The following HNRNPR variants were observed in gnomAD, a reference collection of about 807,000 sequenced individuals.
The protein encoded by HNRNPR is heterogeneous nuclear ribonucleoprotein R.
Under a neutral mutation model 70.3 loss-of-function variants are expected in HNRNPR, and 4 were observed. The observed-to-expected ratio is 0.06, with a 90% CI of 0.03 to 0.13. The LOEUF is 0.13. Ranked by LOEUF, HNRNPR falls within the 10% of genes least tolerant of loss-of-function variation. The probability of loss-of-function intolerance (pLI) is 1.00; values close to 1 mark genes in which losing one functional copy is unlikely to be tolerated. For missense variants in HNRNPR, 423 were observed against 788.5 expected (o/e 0.54, Z 5.55); for synonymous variants, 241 against 267.6 (o/e 0.90, Z 0.97).
In HNRNPR at chr1:23,304,827, T is replaced by TA. The variant is rs1302618921; in HGVS notation, c.*5626dup. The TA allele has an allele frequency of 3.2e-4, 49 of 152,356 alleles. No individual in the cohort carries two copies. Among genetic ancestry groups the TA allele is most frequent in the African/African-American group, 1.1e-3 (46 of 41,584 alleles). The allele number at this position is 152,356 out of a possible 1,614,324, so 9.4% of individuals were successfully genotyped here. A position where few individuals can be genotyped will look rare whatever the true frequency, so the allele number is the denominator to read the frequency against. ...ATGGAAAAGGTCTTGCAAATGTCCC[T>TA]ATTTTGGTATTTCTTATGTTACTAT... On this transcript the variant is annotated 3_prime_UTR_variant, in exon 11 of 11. Transcript: ENST00000302271.
At chr1:23,329,985 C>T (rs1313773242) in intron 5 of HNRNPR, among the ~76,000 whole-genome samples, 1 of 152,154 alleles carries the variant, frequency 6.6e-6, no homozygotes, top group Non-Finnish European at 1.5e-5. Context: ...CTCCTATTTA[C>T]ATTTGCTATC....
rs200505770 is a variant in HNRNPR at position 23,338,481 on chromosome 1, C to T, written c.276+9G>A. ...ATTGTTCAAAGACATTTCTGAGTAA[C>T]GACCTTACCTGAACATGTGATAAGT... On this transcript the variant is annotated intron_variant, in intron 3 of 10. Coordinates refer to ENST00000302271, the MANE Select transcript of HNRNPR (RefSeq NM_005826.5). 83 of 1,133,602 alleles carry T rather than the reference C, an allele frequency of 7.3e-5. No individual in the cohort carries two copies. Among genetic ancestry groups the T allele is most frequent in the Non-Finnish European group, 9.5e-5 (76 of 798,954 alleles). The allele number at this position is 1,133,602 out of a possible 1,614,324, so 70.2% of individuals were successfully genotyped here.
Position 23,309,528 on chromosome 1 carries a change from T to C in HNRNPR, c.*926A>G, listed in dbSNP as rs1167019592. On this transcript the variant is annotated 3_prime_UTR_variant, in exon 11 of 11. Coordinates refer to ENST00000302271, the MANE Select transcript of HNRNPR (RefSeq NM_005826.5). Reference sequence around the variant, plus strand: ...CTCAAAAGTCTATGAACCTGTTTTTTTTTTTTTAATAAAAGATAAAATTTC... The same window carrying C: ...CTCAAAAGTCTATGAACCTGTTTTTCTTTTTTTAATAAAAGATAAAATTTC... The C allele has an allele frequency of 1.3e-5, 2 of 152,106 alleles. No individual in the cohort carries two copies. Among genetic ancestry groups the C allele is most frequent in the Non-Finnish European group, 2.9e-5 (2 of 67,968 alleles). 9.4% of individuals were successfully genotyped at this position (152,106 alleles called of 1,614,324 possible).
rs1301662700 is a variant in HNRNPR, at chr1:23,306,739, T to C, written c.*3715A>G. ...TTCAAATTAAATATTATTAAATTGCTGACCAATACATTGTATATGCAATAT... is the reference window on the plus strand; with the variant it reads ...TTCAAATTAAATATTATTAAATTGCCGACCAATACATTGTATATGCAATAT... On this transcript the variant is annotated 3_prime_UTR_variant, in exon 11 of 11. Coordinates refer to ENST00000302271, the MANE Select transcript of HNRNPR (RefSeq NM_005826.5). 6.6e-6 allele frequency: 1 copy of C among 152,228 alleles called. No individual in the cohort carries two copies. Among genetic ancestry groups the C allele is most frequent in the Non-Finnish European group, 1.5e-5 (1 of 68,034 alleles). 9.4% of individuals were successfully genotyped at this position (152,228 alleles called of 1,614,324 possible). A position where few individuals can be genotyped will look rare whatever the true frequency, so the allele number is the denominator to read the frequency against.
intron 4 of HNRNPR, among the ~76,000 whole-genome samples, chr1:23,335,749 A>G (rs899904599): frequency 3.3e-5 from 5 of 152,236 alleles, no homozygotes; most frequent in Admixed American, 3.3e-4. Context: ...GGTGAGTTGT[A>G]TAATTATTTC....
chr1:23,336,619 G>A (rs1446215594), intron 4 of HNRNPR, among the ~76,000 whole-genome samples: 3 of 138,708 alleles, frequency 2.2e-5, no homozygotes, highest in African/African-American at 8.0e-5. Context: ...ATGTGGTGGC[G>A]CACGCCTGTA....
chr1:23,310,304 T>C lies in HNRNPR; in HGVS notation c.*150A>G. On this transcript the variant is annotated 3_prime_UTR_variant, in exon 11 of 11. Transcript: ENST00000302271. This position sits in a 1 kb window ranked among gnomAD's most constrained non-coding sequence, Gnocchi z 6.0. ...AAGAGGAAAAATAAAAAGACTTGAG[T>C]ATATACACAATAGTGATTTCTTCAG... 1.4e-6 allele frequency: 1 copy of C among 702,172 alleles called. No homozygotes were observed. The highest frequency in any genetic ancestry group is 2.1e-5 in the South Asian group (1 of 47,106). 43.5% of individuals were successfully genotyped at this position (702,172 alleles called of 1,614,324 possible). A position where few individuals can be genotyped will look rare whatever the true frequency, so the allele number is the denominator to read the frequency against.
At chr1:23,326,393 A>G (rs1192338902) in intron 5 of HNRNPR, among the ~76,000 whole-genome samples, 1 of 152,170 alleles carries the variant, frequency 6.6e-6, no homozygotes, top group Non-Finnish European at 1.5e-5. Flanking sequence ...AAAAGCACAC[A>G]GCATCTATGT....
At chr1:23,313,728 C>T (rs1295921996) in intron 8 of HNRNPR, 26 bp from the exon 9 acceptor site, 3 of 1,591,678 alleles carry the variant, frequency 1.9e-6, no homozygotes, top group East Asian at 2.3e-5. Context: ...TAAACAAAAC[C>T]GTCATTGGCT....
intron 8 of HNRNPR, among the ~76,000 whole-genome samples, chr1:23,317,253 T>TG (rs1409407345): frequency 1.3e-5 from 2 of 152,092 alleles, no homozygotes; most frequent in South Asian, 2.1e-4. Flanking sequence ...GGTCAGGAGA[T>TG]GGACACCACC....
At chr1:23,327,189 C>G (rs1210325338) in intron 5 of HNRNPR, among the ~76,000 whole-genome samples, 2 of 152,170 alleles carry the variant, frequency 1.3e-5, no homozygotes, top group African/African-American at 4.8e-5. Context: ...TGAAGTTGCT[C>G]CACGTAAATG....
In HNRNPR at chr1:23,333,575, A is replaced by G; in HGVS notation, c.441T>C (p.Tyr147=). Residue 147 remains tyrosine, a synonymous_variant, in exon 5 of 11, where the codon TAT becomes TAC. Transcript: ENST00000302271. ...ACACACTGTCTGGTGGAGGACCACC[A>G]TACTTCCTCTGTCCTGTGGTTACAT... is the stretch of plus-strand genomic sequence containing the variant. ...TLDVTTGQRK[Y]GGPPPDSVYS... The G allele has an allele frequency of 6.2e-7, 1 of 1,614,026 alleles. No homozygotes were observed. Among genetic ancestry groups the G allele is most frequent in the African/African-American group, 1.3e-5 (1 of 75,036 alleles).
chr1:23,326,524 C>G (rs189159920), intron 5 of HNRNPR, among the ~76,000 whole-genome samples: 1 of 152,282 alleles, frequency 6.6e-6, no homozygotes, highest in Admixed American at 6.5e-5. Flanking sequence ...GTGACTTATG[C>G]CTGTAATCCC....
chr1:23,335,118 C>T (rs777068291), intron 4 of HNRNPR, among the ~76,000 whole-genome samples: 7 of 152,082 alleles, frequency 4.6e-5, no homozygotes, highest in African/African-American at 1.7e-4. Flanking sequence ...GTGGCCTCAC[C>T]GTTGTTAGCC....
At chr1:23,327,831 T>G (rs539666839) in intron 5 of HNRNPR, among the ~76,000 whole-genome samples, 1 of 151,348 alleles carries the variant, frequency 6.6e-6, no homozygotes, top group South Asian at 2.1e-4. Context: ...CAGGGGTAAA[T>G]TTGAGCTGAG....
Position 23,310,378 on chromosome 1 carries a change from C to T in HNRNPR, c.*76G>A. ...GCTACTTAAAGATGAAACAGTTAAG[C>T]CAATTTTTTTTTTTGAAGAATGTAG... On this transcript the variant is annotated 3_prime_UTR_variant, in exon 11 of 11. Coordinates refer to ENST00000302271, the MANE Select transcript of HNRNPR (RefSeq NM_005826.5). The surrounding 1 kb of genome is among the most constrained non-coding windows in gnomAD (Gnocchi z 6.0). The T allele has an allele frequency of 7.1e-7, 1 of 1,415,280 alleles. No individual in the cohort carries two copies. The highest frequency in any genetic ancestry group is 9.5e-7 in the Non-Finnish European group (1 of 1,055,454). The allele number at this position is 1,415,280 out of a possible 1,614,324, so 87.7% of individuals were successfully genotyped here. A position where few individuals can be genotyped will look rare whatever the true frequency, so the allele number is the denominator to read the frequency against.
rs945809457 is a variant in HNRNPR, at chr1:23,306,074, T to C, written c.*4380A>G. ...TTATATGTTAATCTATCCAACAAAA[T>C]ATAGAAAATATAATACTAGACTGAA... On this transcript the variant is annotated 3_prime_UTR_variant, in exon 11 of 11. Coordinates refer to ENST00000302271, the MANE Select transcript of HNRNPR (RefSeq NM_005826.5). 6.6e-6 allele frequency: 1 copy of C among 152,128 alleles called. No individual in the cohort carries two copies. The highest frequency in any genetic ancestry group is 1.5e-5 in the Non-Finnish European group (1 of 68,004). The allele number at this position is 152,128 out of a possible 1,614,324, so 9.4% of individuals were successfully genotyped here. A position where few individuals can be genotyped will look rare whatever the true frequency, so the allele number is the denominator to read the frequency against.
chr1:23,327,893 C>G (rs1646053587), intron 5 of HNRNPR, among the ~76,000 whole-genome samples: 2 of 149,128 alleles, frequency 1.3e-5, no homozygotes, highest in Admixed American at 6.8e-5. Flanking sequence ...GGCAGTGTCT[C>G]ATGCCTATAA....
intron 5 of HNRNPR, among the ~76,000 whole-genome samples, chr1:23,330,414 A>T (rs1646170429): frequency 6.6e-6 from 1 of 152,136 alleles, no homozygotes; most frequent in Non-Finnish European, 1.5e-5. Flanking sequence ...GCATGCTTGC[A>T]GTCCCAGCTA....
Sources: gnomAD v4.1 joint callset for allele counts (sites outside exome capture counted in the v4.1 genomes callset) on GRCh38, gnomAD v4.1.1 for gene constraint, Gnocchi (gnomAD v3.1) non-coding constraint, MANE v1.5 for transcripts, NCBI Gene and HGNC (gene_info 2026-07-23, HGNC 2026-07-21) for gene names.